The following NKAIN3 variants were observed in gnomAD, a reference collection of about 807,000 sequenced individuals.
NKAIN3 encodes sodium/potassium-transporting ATPase subunit beta-1-interacting protein 3.
NKAIN3 carries 25 observed loss-of-function variants against 30.2 expected under a neutral mutation model. The observed-to-expected ratio is 0.83, with a 90% CI of 0.60 to 1.16. The LOEUF is 1.16. Among genes scored for constraint, NKAIN3 ranks in the 50% most tolerant of loss-of-function variants. The probability of loss-of-function intolerance (pLI) is 0.00; values close to 1 mark genes in which losing one functional copy is unlikely to be tolerated. For missense variants in NKAIN3, 225 were observed against 254.1 expected (o/e 0.89, Z 0.78); for synonymous variants, 91 against 89.6 (o/e 1.02, Z -0.09).
chr8:62,303,387 T>C, intron 1 of NKAIN3, among the ~76,000 whole-genome samples: 1 of 150,458 alleles, frequency 6.6e-6, no homozygotes, highest in East Asian at 1.9e-4. Flanking sequence ...TAATGAGATC[T>C]TTCCTCCAAA....
rs558877034 is a variant in NKAIN3, at chr8:62,956,181, A to ATTCCAT, written c.603+2211_603+2216dup. Among the ~76,000 whole-genome samples the ATTCCAT allele has an allele frequency of 6.0e-3, 917 of 152,284 alleles. 3 individuals carry two copies. Among genetic ancestry groups the ATTCCAT allele is most frequent in the South Asian group, 0.011 (53 of 4,826 alleles). On this transcript the variant is annotated intron_variant, in intron 6 of 6. Coordinates refer to ENST00000623646, the MANE Select transcript of NKAIN3 (RefSeq NM_001304533.3). Reference sequence around the variant, plus strand: ...TCTTTTAATAAGCCCGTTATATTGAATTCCATTGAATCCAATGATGCCATA... The same window carrying ATTCCAT: ...TCTTTTAATAAGCCCGTTATATTGAATTCCATTTCCATTGAATCCAATGATGCCATA...
intron 3 of NKAIN3, among the ~76,000 whole-genome samples, chr8:62,729,703 G>A (rs1407969504): frequency 1.3e-5 from 2 of 152,072 alleles, no homozygotes; most frequent in African/African-American, 4.8e-5. Context: ...TCAACATTAT[G>A]TTTCAGAGAT....
At chr8:62,610,645 A>G (rs1337221523) in intron 3 of NKAIN3, among the ~76,000 whole-genome samples, 1 of 152,122 alleles carries the variant, frequency 6.6e-6, no homozygotes, top group Non-Finnish European at 1.5e-5. Flanking sequence ...TATACTTTTG[A>G]TGCTTTAAAA....
At chr8:62,923,548 T>A (rs1822343000) in intron 5 of NKAIN3, among the ~76,000 whole-genome samples, 1 of 152,176 alleles carries the variant, frequency 6.6e-6, no homozygotes, top group African/African-American at 2.4e-5. Flanking sequence ...ATATTTTTAG[T>A]AATTTTGAAA....
chr8:62,850,141 G>T (rs534108596), intron 4 of NKAIN3, among the ~76,000 whole-genome samples: 12 of 152,054 alleles, frequency 7.9e-5, no homozygotes, highest in African/African-American at 2.9e-4. Flanking sequence ...TTTAATGATC[G>T]CCATTCTAAC....
intron 3 of NKAIN3, among the ~76,000 whole-genome samples, chr8:62,679,781 AAAACCTCAT>A: frequency 2.0e-5 from 3 of 152,320 alleles, no homozygotes; most frequent in African/African-American, 7.2e-5. Flanking sequence ...ATTCATGAGA[AAAACCTCAT>A]GATCTAATCA....
At chr8:62,433,478 G>A (rs1426369635) in intron 1 of NKAIN3, among the ~76,000 whole-genome samples, 1 of 152,150 alleles carries the variant, frequency 6.6e-6, no homozygotes, top group Admixed American at 6.6e-5. Flanking sequence ...TATTATGCCA[G>A]ATATGGGATC....
At position 62,761,636 on chromosome 8, in the gene NKAIN3, G is replaced by A. The variant is rs553065710; in HGVS notation, c.471+14507G>A. Reference sequence around the variant, plus strand: ...TGCCTTCACAGAGCATCTGAATGCAGTGAGCTTCTGGCCCTATGCTTTGTT... The same window carrying A: ...TGCCTTCACAGAGCATCTGAATGCAATGAGCTTCTGGCCCTATGCTTTGTT... On this transcript the variant is annotated intron_variant, in intron 4 of 6. Transcript: ENST00000623646. 3.9e-5 allele frequency among the ~76,000 whole-genome samples: 6 copies of A among 152,328 alleles called. No homozygotes were observed. The East Asian group carries it at 1.2e-3, about 29-fold the overall frequency.
In NKAIN3 at chr8:62,805,836, A is replaced by G. The variant is rs192094761; in HGVS notation, c.471+58707A>G. On this transcript the variant is annotated intron_variant, in intron 4 of 6. Coordinates refer to ENST00000623646, the MANE Select transcript of NKAIN3 (RefSeq NM_001304533.3). Reference sequence around the variant, plus strand: ...TTAAACTAAAGAGCTTCTGCACAGCAAAAGAAACTACCATCAGAGTATACA... The same window carrying G: ...TTAAACTAAAGAGCTTCTGCACAGCGAAAGAAACTACCATCAGAGTATACA... 2.8e-3 allele frequency among the ~76,000 whole-genome samples: 425 copies of G among 152,338 alleles called. 1 individual carries two copies. Among genetic ancestry groups the G allele is most frequent in the African/African-American group, 9.8e-3 (409 of 41,576 alleles).
intron 1 of NKAIN3, among the ~76,000 whole-genome samples, chr8:62,528,322 A>AT: frequency 1.5e-5 from 1 of 66,578 alleles, no homozygotes; most frequent in Non-Finnish European, 2.8e-5. Context: ...TATATATTAT[A>AT]TAATATATAT....
chr8:62,433,925 T>G (rs1805091823), intron 1 of NKAIN3, among the ~76,000 whole-genome samples: 1 of 152,116 alleles, frequency 6.6e-6, no homozygotes, highest in African/African-American at 2.4e-5. Flanking sequence ...CCTTTGATTT[T>G]CAGCCTTCAG....
At chr8:62,426,213 G>A (rs1388318662) in intron 1 of NKAIN3, among the ~76,000 whole-genome samples, 1 of 151,940 alleles carries the variant, frequency 6.6e-6, no homozygotes, top group Non-Finnish European at 1.5e-5. Flanking sequence ...GGTGACAACA[G>A]TGACTTAATT....
chr8:62,646,097 T>C (rs1812451309), intron 3 of NKAIN3, among the ~76,000 whole-genome samples: 1 of 149,428 alleles, frequency 6.7e-6, no homozygotes, highest in Non-Finnish European at 1.5e-5. Context: ...ATATCATAGA[T>C]GCAATGGCCT....
At chr8:62,855,622 C>T in intron 4 of NKAIN3, 3 of 1,603,650 alleles carry the variant, frequency 1.9e-6, no homozygotes, top group Non-Finnish European at 1.7e-6. Flanking sequence ...CAGTCTCCAT[C>T]AAATCCAAGG....
chr8:62,990,020 T>A (rs972979371), intron 5 of NKAIN3: 1 of 513,534 alleles, frequency 1.9e-6, no homozygotes, highest in Middle Eastern at 5.2e-4. Context: ...TCATCTTGTA[T>A]CTGCTCAATG....
chr8:62,707,695 TG>T (rs899826610), intron 3 of NKAIN3, among the ~76,000 whole-genome samples: 29 of 152,272 alleles, frequency 1.9e-4, no homozygotes, highest in African/African-American at 7.0e-4. Context: ...CTCTGCCGAC[TG>T]TTCCTTTTGC....
At chr8:62,842,887 G>A (rs1041917896) in intron 4 of NKAIN3, among the ~76,000 whole-genome samples, 1 of 152,046 alleles carries the variant, frequency 6.6e-6, no homozygotes, top group African/African-American at 2.4e-5. Flanking sequence ...ACTTAAAGCT[G>A]TAAAACTACT....
chr8:62,358,988 TG>T, intron 1 of NKAIN3, among the ~76,000 whole-genome samples: 1 of 152,272 alleles, frequency 6.6e-6, no homozygotes, highest in East Asian at 1.9e-4. Context: ...GAGACCATCC[TG>T]GCTAACACGG....
At chr8:62,315,599 G>A (rs1814593448) in intron 1 of NKAIN3, among the ~76,000 whole-genome samples, 1 of 152,120 alleles carries the variant, frequency 6.6e-6, no homozygotes, top group Non-Finnish European at 1.5e-5. Flanking sequence ...GCAGAAATCA[G>A]GGATGTGGCC....
Sources: gnomAD v4.1 joint callset for allele counts (sites outside exome capture counted in the v4.1 genomes callset) on GRCh38, gnomAD v4.1.1 for gene constraint, MANE v1.5 for transcripts, NCBI Gene and HGNC (gene_info 2026-07-23, HGNC 2026-07-21) for gene names.